KCNIP4: variants seen among roughly 807,000 people sequenced by gnomAD.
The protein encoded by KCNIP4 is Kv channel-interacting protein 4.
In KCNIP4, 12 loss-of-function variants were observed where a neutral mutation model predicts 34.0. The ratio of observed to expected loss-of-function variants is 0.35; its 90% confidence interval spans 0.23 to 0.57. KCNIP4 has a LOEUF of 0.57. Ranked by LOEUF, KCNIP4 falls within the 20% of genes least tolerant of loss-of-function variation. KCNIP4 has a pLI of 0.83. For missense variants in KCNIP4, 238 were observed against 311.7 expected (o/e 0.76, Z 1.78); for synonymous variants, 124 against 102.2 (o/e 1.21, Z -1.29).
chr4:21,781,416 A>C (rs1719568313), intron 1 of KCNIP4, among the ~76,000 whole-genome samples: 1 of 152,192 alleles, frequency 6.6e-6, no homozygotes, highest in Admixed American at 6.5e-5. Context: ...AGATCAGACT[A>C]ATATAACATC....
At chr4:21,284,560 T>C (rs965133686) in intron 1 of KCNIP4, among the ~76,000 whole-genome samples, 3 of 152,110 alleles carry the variant, frequency 2.0e-5, no homozygotes, top group Non-Finnish European at 4.4e-5. Context: ...GAATGAGATG[T>C]AGGAAGGTAA....
chr4:21,786,467 G>A (rs1479193911), intron 1 of KCNIP4, among the ~76,000 whole-genome samples: 1 of 152,166 alleles, frequency 6.6e-6, no homozygotes, highest in Admixed American at 6.5e-5. Flanking sequence ...TACTCCCAGA[G>A]AGTTTGGTTC....
chr4:20,786,302 G>T (rs372035527), intron 3 of KCNIP4, among the ~76,000 whole-genome samples: 1 of 152,044 alleles, frequency 6.6e-6, no homozygotes, highest in African/African-American at 2.4e-5. Flanking sequence ...AAAAGAAGGA[G>T]GGAGAAAAGA....
intron 1 of KCNIP4, among the ~76,000 whole-genome samples, chr4:21,230,475 C>G (rs1457211644): frequency 6.6e-6 from 1 of 152,118 alleles, no homozygotes; most frequent in Non-Finnish European, 1.5e-5. Context: ...CGTGCATTAG[C>G]TATTTATCCT....
intron 1 of KCNIP4, among the ~76,000 whole-genome samples, chr4:20,903,921 C>G (rs956844496): frequency 6.6e-6 from 1 of 152,168 alleles, no homozygotes; most frequent in Non-Finnish European, 1.5e-5. Flanking sequence ...CTACTTGCTG[C>G]CCCACTCTAT....
chr4:21,303,932 C>A, intron 1 of KCNIP4: 1 of 1,613,092 alleles, frequency 6.2e-7, no homozygotes, highest in East Asian at 2.2e-5. Flanking sequence ...GGTCCGACCA[C>A]AGCCACTGAG....
At chr4:20,779,576 ACC>A (rs71653900) in intron 3 of KCNIP4, among the ~76,000 whole-genome samples, 6,005 of 80,522 alleles carry the variant, frequency 0.075, 217 homozygotes, top group South Asian at 0.29. Context: ...CTGCCCCACA[ACC>A]CCCCCCCCCC....
At chr4:21,447,523 T>C (rs548988561) in intron 1 of KCNIP4, among the ~76,000 whole-genome samples, 16 of 152,306 alleles carry the variant, frequency 1.1e-4, no homozygotes, top group Non-Finnish European at 2.4e-4. Flanking sequence ...CTGCAGGGGA[T>C]ACATTCCAAG....
intron 1 of KCNIP4, among the ~76,000 whole-genome samples, chr4:21,271,344 T>C (rs960938878): frequency 1.3e-5 from 2 of 152,236 alleles, no homozygotes; most frequent in Non-Finnish European, 2.9e-5. Flanking sequence ...TTGCTTTTCA[T>C]TTCTAGTACT....
intron 1 of KCNIP4, among the ~76,000 whole-genome samples, chr4:21,596,076 T>C (rs16871535): frequency 0.026 from 3,945 of 152,184 alleles, 172 homozygotes; most frequent in African/African-American, 0.089. Context: ...ACGCCTTGTA[T>C]CATGGCCCAA....
chr4:21,816,196 G>A (rs932322614), intron 1 of KCNIP4, among the ~76,000 whole-genome samples: 10 of 151,974 alleles, frequency 6.6e-5, no homozygotes, highest in Admixed American at 2.0e-4. Context: ...CCAGAAGAAG[G>A]GACACTGCAA....
intron 1 of KCNIP4, among the ~76,000 whole-genome samples, chr4:21,799,764 A>C (rs1451531145): frequency 6.6e-6 from 1 of 152,198 alleles, no homozygotes; most frequent in Admixed American, 6.5e-5. Flanking sequence ...TTAACAAATA[A>C]GTTCCTTCCC....
chr4:21,940,575 T>C (rs1730148250), intron 1 of KCNIP4, among the ~76,000 whole-genome samples: 1 of 152,180 alleles, frequency 6.6e-6, no homozygotes, highest in African/African-American at 2.4e-5. Flanking sequence ...GTCGTCCCAA[T>C]ACTAAGTAGT....
chr4:21,398,206 G>A (rs1002911780), intron 1 of KCNIP4, among the ~76,000 whole-genome samples: 1 of 152,202 alleles, frequency 6.6e-6, no homozygotes, highest in East Asian at 1.9e-4. Flanking sequence ...GAACTTGAAG[G>A]TTCTGCGGTA....
At chr4:21,513,092 T>C (rs1734467857) in intron 1 of KCNIP4, among the ~76,000 whole-genome samples, 1 of 152,182 alleles carries the variant, frequency 6.6e-6, no homozygotes, top group Non-Finnish European at 1.5e-5. Context: ...CTGATACCAC[T>C]ATGTTCCAGG....
intron 1 of KCNIP4, among the ~76,000 whole-genome samples, chr4:21,906,923 C>A (rs957477069): frequency 6.6e-6 from 1 of 152,158 alleles, no homozygotes; most frequent in African/African-American, 2.4e-5. Flanking sequence ...AGTTGCTTTT[C>A]TAGCTCACTA....
In KCNIP4 at chr4:21,204,020, A is replaced by G. The variant is rs147859035; in HGVS notation, c.62-321311T>C. Among the ~76,000 whole-genome samples, 13 of 152,292 alleles carry G rather than the reference A, an allele frequency of 8.5e-5. No homozygotes were observed. The East Asian group carries it at 2.5e-3, about 29-fold the overall frequency. On this transcript the variant is annotated intron_variant, in intron 1 of 8. Transcript: ENST00000382152. ...TGAGAATGAAACTTGCATTATGCTC[A>G]TCGCTGGGTTGGTTTCCATTGCAAG...
chr4:21,851,676 G>A (rs1724407484), intron 1 of KCNIP4: 1 of 152,174 alleles, frequency 6.6e-6, no homozygotes, highest in Admixed American at 6.5e-5. Context: ...TTTGGTGAAG[G>A]CTGCTAGTTT....
At chr4:21,531,319 T>C (rs1478800095) in intron 1 of KCNIP4, among the ~76,000 whole-genome samples, 1 of 143,888 alleles carries the variant, frequency 6.9e-6, no homozygotes, top group Non-Finnish European at 1.5e-5. Context: ...CTTCCTTCCT[T>C]CCTTCCTCCC....
Sources: gnomAD v4.1 joint callset for allele counts (sites outside exome capture counted in the v4.1 genomes callset) on GRCh38, gnomAD v4.1.1 for gene constraint, MANE v1.5 for transcripts, NCBI Gene and HGNC (gene_info 2026-07-23, HGNC 2026-07-21) for gene names.